CFAP45: variants seen among roughly 807,000 people sequenced by gnomAD.
CFAP45 encodes cilia- and flagella-associated protein 45.
A neutral mutation model predicts 75.6 loss-of-function variants in CFAP45; 43 were observed. The ratio of observed to expected loss-of-function variants is 0.57; its 90% confidence interval spans 0.45 to 0.73. The LOEUF is 0.73. Ranked by LOEUF, CFAP45 falls within the 30% of genes least tolerant of loss-of-function variation. The pLI is 0.00. For synonymous variants in CFAP45, 223 were observed against 244.6 expected (o/e 0.91, Z 0.82); for missense variants, 689 against 701.5 (o/e 0.98, Z 0.20).
rs1453462698 is a variant in CFAP45, at chr1:159,893,276, G to A, written c.33C>T (p.Ser11=). ...TTGACCTGTTGGAAGCGGCAGAAGAGGAGCTCAGGATGCCAGCTGTGCTTA... is the reference window on the plus strand; with the variant it reads ...TTGACCTGTTGGAAGCGGCAGAAGAAGAGCTCAGGATGCCAGCTGTGCTTA... MPLSTAGILS[S]SSAASNRSRN... Residue 11 remains serine, a synonymous_variant, in exon 2 of 12, where the codon TCC becomes TCT. Coordinates refer to ENST00000368099, the MANE Select transcript of CFAP45 (RefSeq NM_012337.3). The A allele has an allele frequency of 1.2e-6, 2 of 1,613,696 alleles. No homozygotes were observed. Among genetic ancestry groups the A allele is most frequent in the Non-Finnish European group, 1.7e-6 (2 of 1,179,948 alleles).
rs753278916 is a variant in CFAP45 at position 159,884,498 on chromosome 1, G to A, written c.835C>T (p.Arg279Trp). Reference sequence around the variant, plus strand: ...AGCATCTGCTCCTTCTCCTGCTCCCGCTGCTCAGCAAGCAGCGATCGCTCC... The same window carrying A: ...AGCATCTGCTCCTTCTCCTGCTCCCACTGCTCAGCAAGCAGCGATCGCTCC... ...QEERSLLAEQ[R>W]EQEKEQMLEY... Residue 279 changes from arginine to tryptophan, a missense_variant, in exon 7 of 12, where the codon CGG becomes TGG. Transcript: ENST00000368099. The A allele has an allele frequency of 1.2e-5, 19 of 1,613,460 alleles. No homozygotes were observed. Among genetic ancestry groups the A allele is most frequent in the African/African-American group, 4.0e-5 (3 of 74,820 alleles).
intron 8 of CFAP45, among the ~76,000 whole-genome samples, chr1:159,880,001 C>T (rs1649512718): frequency 6.6e-6 from 1 of 152,156 alleles, no homozygotes; most frequent in Admixed American, 6.5e-5. Context: ...TCAATTTTGC[C>T]CCAGAATGAG....
chr1:159,881,639 G>GA (rs1475285467), intron 7 of CFAP45, among the ~76,000 whole-genome samples: 7 of 152,218 alleles, frequency 4.6e-5, no homozygotes, highest in Non-Finnish European at 8.8e-5. Flanking sequence ...TGTGAGAAAG[G>GA]AAAGAAAAAA....
chr1:159,878,753 T>TAAAAAAAAAAAAA lies in CFAP45; in HGVS notation c.1045-1304_1045-1292dup, dbSNP rs539116292. Among the ~76,000 whole-genome samples, 39 of 32,480 alleles carry TAAAAAAAAAAAAA rather than the reference T, an allele frequency of 1.2e-3. 6 individuals are homozygous for TAAAAAAAAAAAAA. Among genetic ancestry groups the TAAAAAAAAAAAAA allele is most frequent in the South Asian group, 5.4e-3 (2 of 370 alleles). 21.3% of individuals were successfully genotyped at this position (32,480 alleles called of 152,430 possible). ...CCTAGTGACAGAGCAAGACTACATC[T>TAAAAAAAAAAAAA]AAAAAAAAAAAAAAAAAAAAAAAAA... On this transcript the variant is annotated intron_variant, in intron 8 of 11. Coordinates refer to ENST00000368099, the MANE Select transcript of CFAP45 (RefSeq NM_012337.3).
chr1:159,876,471 T>C (rs1318391081), intron 10 of CFAP45, 85 bp downstream of exon 10: 1 of 983,026 alleles, frequency 1.0e-6, no homozygotes, highest in Non-Finnish European at 1.6e-6. Context: ...TCTGTTAACA[T>C]GCCAGAAAGC....
At position 159,886,646 on chromosome 1, in the gene CFAP45, AT is replaced by A; in HGVS notation, c.631del (p.Ile211SerfsTer21). 1 of 1,613,892 alleles carries A rather than the reference AT, an allele frequency of 6.2e-7. No individual in the cohort carries two copies. The highest frequency in any genetic ancestry group is 2.2e-5 in the East Asian group (1 of 44,878). On this transcript the variant is annotated frameshift_variant, in exon 6 of 12. Coordinates refer to ENST00000368099, the MANE Select transcript of CFAP45 (RefSeq NM_012337.3). LOFTEE classifies it high-confidence loss of function. Reference protein sequence around the residue: ...AKCHAIRDAQILEKQQIQKEL... With the variant: ...AKCHAIRDAQXLEKQQIQKEL... ...TTTTTGGATCTGCTGCTTCTCCAGGATTTGGGCATCCCGGATGGCATGGCAC... is the reference window on the plus strand; with the variant it reads ...TTTTTGGATCTGCTGCTTCTCCAGGATTGGGCATCCCGGATGGCATGGCAC...
In CFAP45 at chr1:159,887,873, C is replaced by G. The variant is rs774569388; in HGVS notation, c.556G>C (p.Glu186Gln). Reference protein sequence around the residue: ...LLQRANKLRMEQEEELKDMSK... With the variant: ...LLQRANKLRMQQEEELKDMSK... Reference sequence around the variant, plus strand: ...ATGTCCTTGAGCTCCTCCTCCTGCTCCATCCGCAGCTTGTTGGCTCTCTGC... The same window carrying G: ...ATGTCCTTGAGCTCCTCCTCCTGCTGCATCCGCAGCTTGTTGGCTCTCTGC... The change falls in exon 5 of 12, where the codon GAG (glutamate) becomes CAG (glutamine). Residue 186 changes from glutamate to glutamine, a missense_variant. Transcript: ENST00000368099. The G allele has an allele frequency of 3.1e-6, 5 of 1,613,960 alleles. No individual in the cohort carries two copies. In the East Asian group the frequency reaches 1.1e-4, roughly 36 times the overall value.
At position 159,880,536 on chromosome 1, in the gene CFAP45, C is replaced by A; in HGVS notation, c.1044+18G>T. The A allele has an allele frequency of 6.2e-7, 1 of 1,608,394 alleles. No homozygotes were observed. On this transcript the variant is annotated intron_variant, in intron 8 of 11. Coordinates refer to ENST00000368099, the MANE Select transcript of CFAP45 (RefSeq NM_012337.3). Reference sequence around the variant, plus strand: ...ACATTCCATTCCTAACCAAAGGTCCCAGAAACCAAGTCCCTACCATCTTCT... The same window carrying A: ...ACATTCCATTCCTAACCAAAGGTCCAAGAAACCAAGTCCCTACCATCTTCT...
rs1254891214 is a variant in CFAP45, at chr1:159,886,619, T to C, written c.659A>G (p.Glu220Gly). The part of the protein sequence containing the change: ...QILEKQQIQK[E>G]LDTEEKRLDQ... ...CAACCGCTTCTCTTCTGTGTCCAGTTCTTTTTGGATCTGCTGCTTCTCCAG... is the reference window on the plus strand; with the variant it reads ...CAACCGCTTCTCTTCTGTGTCCAGTCCTTTTTGGATCTGCTGCTTCTCCAG... The change falls in exon 6 of 12, where the codon GAA becomes GGA. Residue 220 changes from glutamate (E) to glycine (G), a missense_variant. Transcript: ENST00000368099. 1.2e-6 allele frequency: 2 copies of C among 1,614,134 alleles called. No homozygotes were observed. The highest frequency in any genetic ancestry group is 1.7e-6 in the Non-Finnish European group (2 of 1,179,978).
At chr1:159,875,437 T>A (rs1445150943) in intron 10 of CFAP45, among the ~76,000 whole-genome samples, 1 of 152,040 alleles carries the variant, frequency 6.6e-6, no homozygotes, top group Non-Finnish European at 1.5e-5. Flanking sequence ...AGGGGGGACA[T>A]GCTGGGGCCT....
rs74949734 is a variant in CFAP45, at chr1:159,892,896, C to G, written c.129+284G>C. Among the ~76,000 whole-genome samples, 918 of 152,312 alleles carry G rather than the reference C, an allele frequency of 6.0e-3. 3 individuals carry two copies. The highest frequency in any genetic ancestry group is 9.2e-3 in the Non-Finnish European group (624 of 68,030). On this transcript the variant is annotated intron_variant, in intron 2 of 11. Transcript: ENST00000368099. ...TCCATCATGGAGCTCAACTGAGCAA[C>G]TATTGCACTCTCTGCAGCTGAGCCT... is the stretch of plus-strand genomic sequence containing the variant.
intron 1 of CFAP45, among the ~76,000 whole-genome samples, chr1:159,897,211 C>G (rs55932532): frequency 0.051 from 7,763 of 152,130 alleles, 453 homozygotes; most frequent in African/African-American, 0.15. Flanking sequence ...TTGCAGTGAG[C>G]CAAGGTTGAG....
intron 6 of CFAP45, among the ~76,000 whole-genome samples, chr1:159,885,187 A>G (rs1557913735): frequency 6.6e-6 from 1 of 152,254 alleles, no homozygotes; most frequent in Non-Finnish European, 1.5e-5. Flanking sequence ...ACAGGAGTAA[A>G]GAGTAAAAGG....
intron 1 of CFAP45, among the ~76,000 whole-genome samples, chr1:159,897,899 G>A (rs1380620187): frequency 2.0e-5 from 3 of 152,154 alleles, no homozygotes; most frequent in African/African-American, 7.2e-5. Flanking sequence ...AAAAACCATA[G>A]CATTATATAT....
chr1:159,880,496 C>T, intron 8 of CFAP45, 58 bp downstream of exon 8: 3 of 1,523,938 alleles, frequency 2.0e-6, no homozygotes, highest in Non-Finnish European at 2.7e-6. Flanking sequence ...TCAGGCCCTC[C>T]TCTCCCTGTG....
rs1454203464 is a variant in CFAP45 at position 159,884,543 on chromosome 1, G to A, written c.790C>T (p.Gln264Ter). ...RIRGRRQIVE[Q>*]MEKNQEERSL... Reference sequence around the variant, plus strand: ...CGCTCCTCCTGGTTCTTTTCCATCTGTTCCACAATTTGCCGCCTTCCTCTT... The same window carrying A: ...CGCTCCTCCTGGTTCTTTTCCATCTATTCCACAATTTGCCGCCTTCCTCTT... The change falls in exon 7 of 12, where the codon CAG becomes TAG. Residue 264 changes from glutamine (Q) to a stop codon, truncating the protein, a stop_gained. Coordinates refer to ENST00000368099, the MANE Select transcript of CFAP45 (RefSeq NM_012337.3). LOFTEE classifies it high-confidence loss of function. The A allele has an allele frequency of 1.2e-6, 2 of 1,613,474 alleles. No homozygotes were observed. Among genetic ancestry groups the A allele is most frequent in the Admixed American group, 1.7e-5 (1 of 59,944 alleles).
chr1:159,893,121 A>G, intron 2 of CFAP45, 59 bp downstream of exon 2: 1 of 1,598,600 alleles, frequency 6.3e-7, no homozygotes, highest in Non-Finnish European at 8.6e-7. Context: ...GCCCTGAGCT[A>G]CATTTTTGGG....
intron 1 of CFAP45, among the ~76,000 whole-genome samples, chr1:159,897,773 A>T (rs1649985645): frequency 6.6e-6 from 1 of 152,212 alleles, no homozygotes; most frequent in Non-Finnish European, 1.5e-5. Flanking sequence ...ACCAGAAAAA[A>T]AAAACAATAA....
At chr1:159,886,489 G>A (rs1374431039) in intron 6 of CFAP45, 22 bp downstream of exon 6, 11 of 1,608,866 alleles carry the variant, frequency 6.8e-6, no homozygotes, top group Non-Finnish European at 7.7e-6. Context: ...TAGAGAGGGA[G>A]ATGCCAAAAC....
Sources: allele counts gnomAD v4.1 joint callset (sites outside exome capture counted in the v4.1 genomes callset), GRCh38; gene constraint gnomAD v4.1.1; transcripts MANE v1.5; gene names NCBI Gene and HGNC (gene_info 2026-07-23, HGNC 2026-07-21).